SHROOM3: variants seen among roughly 807,000 people sequenced by gnomAD.
The protein encoded by SHROOM3 is shroom family member 3.
Under a neutral mutation model 138.6 loss-of-function variants are expected in SHROOM3, and 47 were observed. The ratio of observed to expected loss-of-function variants is 0.34; its 90% CI spans 0.27 to 0.43. SHROOM3 has a LOEUF of 0.43. Ranked by LOEUF, SHROOM3 falls within the 20% of genes least tolerant of loss-of-function variation. The probability of loss-of-function intolerance (pLI) is 1.00; values close to 1 mark genes in which losing one functional copy is unlikely to be tolerated. For synonymous variants in SHROOM3, 1,062 were observed against 1,063.3 expected, an observed-to-expected ratio of 1.00 and a Z score of 0.02; for missense variants, 2,491 against 2,596.5, an observed-to-expected ratio of 0.96 and a Z score of 0.88.
At position 76,555,777 on chromosome 4, in the gene SHROOM3, C is replaced by T. The variant is rs761993561; in HGVS notation, c.323+14C>T. 1 of 1,610,180 alleles carries T rather than the reference C, an allele frequency of 6.2e-7. No individual in the cohort carries two copies. Among genetic ancestry groups the T allele is most frequent in the Non-Finnish European group, 8.5e-7 (1 of 1,179,690 alleles). ...GGTAGTGCGCAGGTAGGTGGCAGAC[C>T]CCCACCCTGTCCCTCCTACCACCTC... is the stretch of plus-strand genomic sequence containing the variant. On this transcript the variant is annotated intron_variant, in intron 2 of 10. Coordinates refer to ENST00000296043, the MANE Select transcript of SHROOM3 (RefSeq NM_020859.4).
At chr4:76,533,062 T>A (rs1732866259) in intron 1 of SHROOM3, among the ~76,000 whole-genome samples, 2 of 152,214 alleles carry the variant, frequency 1.3e-5, no homozygotes. Context: ...GATTTCATAA[T>A]TCTACTCAGA....
chr4:76,672,730 G>A (rs1218961988), intron 2 of SHROOM3, among the ~76,000 whole-genome samples: 2 of 152,030 alleles, frequency 1.3e-5, no homozygotes, highest in African/African-American at 2.4e-5. Context: ...CCGCCACCAC[G>A]CCTGGCTAAT....
intron 1 of SHROOM3, among the ~76,000 whole-genome samples, chr4:76,439,016 T>C (rs1730616353): frequency 6.6e-6 from 1 of 152,182 alleles, no homozygotes; most frequent in Non-Finnish European, 1.5e-5. Flanking sequence ...ACTTATGGCT[T>C]AAAAACAACA....
chr4:76,764,309 CT>C (rs1188793936), intron 9 of SHROOM3, among the ~76,000 whole-genome samples: 1 of 152,232 alleles, frequency 6.6e-6, no homozygotes, highest in African/African-American at 2.4e-5. Flanking sequence ...AAGCAAAATT[CT>C]ACTTAAACCA....
intron 2 of SHROOM3, among the ~76,000 whole-genome samples, chr4:76,614,041 GTT>G (rs1553928848): frequency 1.5e-5 from 1 of 66,680 alleles, no homozygotes; most frequent in Non-Finnish European, 2.9e-5. Flanking sequence ...TGTTTTGTTT[GTT>G]TGTTTGTTTG....
At chr4:76,519,455 T>C (rs193270114) in intron 1 of SHROOM3, among the ~76,000 whole-genome samples, 227 of 152,326 alleles carry the variant, frequency 1.5e-3, no homozygotes, top group Admixed American at 2.4e-3. Context: ...ATATAAATTA[T>C]GCAATCAATT....
At chr4:76,611,059 A>C (rs1480892965) in intron 2 of SHROOM3, among the ~76,000 whole-genome samples, 4 of 152,222 alleles carry the variant, frequency 2.6e-5, no homozygotes, top group Non-Finnish European at 5.9e-5. Context: ...AAAAAATTGC[A>C]GTAAAGTATA....
At chr4:76,502,622 A>G (rs1324361401) in intron 1 of SHROOM3, among the ~76,000 whole-genome samples, 2 of 152,224 alleles carry the variant, frequency 1.3e-5, no homozygotes, top group East Asian at 3.8e-4. Context: ...GTGTTGAACG[A>G]TTTTGTGAGA....
At chr4:76,633,332 C>CAAAAAA (rs56002974) in intron 2 of SHROOM3, among the ~76,000 whole-genome samples, 187 of 82,404 alleles carry the variant, frequency 2.3e-3, no homozygotes, top group Middle Eastern at 8.8e-3. Context: ...GACTCAGTCT[C>CAAAAAA]AAAAAAAAAA....
chr4:76,458,236 C>T (rs2109974054), intron 1 of SHROOM3, among the ~76,000 whole-genome samples: 1 of 152,276 alleles, frequency 6.6e-6, no homozygotes, highest in South Asian at 2.1e-4. Context: ...AAGTAACATG[C>T]CTAGTACAAT....
At chr4:76,631,393 A>G (rs1735318734) in intron 2 of SHROOM3, among the ~76,000 whole-genome samples, 1 of 151,274 alleles carries the variant, frequency 6.6e-6, no homozygotes, top group South Asian at 2.1e-4. Context: ...ATTTTTTTTT[A>G]GTAGAGATGG....
At chr4:76,749,181 T>C in intron 6 of SHROOM3, 91 bp downstream of exon 6, 1 of 1,177,706 alleles carries the variant, frequency 8.5e-7, no homozygotes, top group Non-Finnish European at 1.3e-6. Flanking sequence ...TGAAATGTGA[T>C]GTCATATAGT....
intron 2 of SHROOM3, among the ~76,000 whole-genome samples, chr4:76,691,686 G>T (rs1420958278): frequency 6.6e-6 from 1 of 151,708 alleles, no homozygotes; most frequent in East Asian, 1.9e-4. Flanking sequence ...GGCAGGGTGT[G>T]TGTGAAGAGT....
Position 76,741,999 on chromosome 4 carries a change from C to A in SHROOM3, c.3753+73C>A, listed in dbSNP as rs777695543. 1 of 1,544,906 alleles carries A rather than the reference C, an allele frequency of 6.5e-7. No individual in the cohort carries two copies. Among genetic ancestry groups the A allele is most frequent in the Admixed American group, 1.8e-5 (1 of 54,846 alleles). On this transcript the variant is annotated intron_variant, in intron 5 of 10. Coordinates refer to ENST00000296043, the MANE Select transcript of SHROOM3 (RefSeq NM_020859.4). The surrounding 1 kb of genome is among the most constrained non-coding windows in gnomAD (Gnocchi z 6.2). ...AGAAGCTTTAGTGGGGCTCCCCAAC[C>A]CCCCACACTCTCACCCGCTCTCCCA... is the stretch of plus-strand genomic sequence containing the variant.
intron 2 of SHROOM3, among the ~76,000 whole-genome samples, chr4:76,651,386 C>T (rs1735953174): frequency 8.0e-6 from 1 of 124,298 alleles, no homozygotes; most frequent in African/African-American, 2.9e-5. Flanking sequence ...ATTAACACAT[C>T]TCATGTAACC....
At chr4:76,667,787 T>C (rs968084893) in intron 2 of SHROOM3, among the ~76,000 whole-genome samples, 1 of 150,810 alleles carries the variant, frequency 6.6e-6, no homozygotes, top group Non-Finnish European at 1.5e-5. Context: ...GCCAACACGC[T>C]GAAACCCCGC....
At chr4:76,465,432 C>T (rs1731231141) in intron 1 of SHROOM3, among the ~76,000 whole-genome samples, 1 of 152,214 alleles carries the variant, frequency 6.6e-6, no homozygotes, top group African/African-American at 2.4e-5. Context: ...GAAAGCCATG[C>T]CATTCTGCCT....
At chr4:76,736,118 G>GGAAATGCA (rs146050131) in intron 4 of SHROOM3, among the ~76,000 whole-genome samples, 1 of 151,366 alleles carries the variant, frequency 6.6e-6, no homozygotes, top group African/African-American at 2.4e-5. Flanking sequence ...CATTTCCCCT[G>GGAAATGCA]GAAGTATTAG....
chr4:76,770,595 C>T, intron 9 of SHROOM3, 31 bp from the exon 10 acceptor site: 1 of 1,612,042 alleles, frequency 6.2e-7, no homozygotes, highest in Non-Finnish European at 8.5e-7. Context: ...CTCCTGTTGG[C>T]TGATCTTTGC....
Sources: gnomAD v4.1 joint callset for allele counts (sites outside exome capture counted in the v4.1 genomes callset) on GRCh38, gnomAD v4.1.1 for gene constraint, Gnocchi (gnomAD v3.1) non-coding constraint, MANE v1.5 for transcripts, NCBI Gene and HGNC (gene_info 2026-07-23, HGNC 2026-07-21) for gene names.